Variants in BATF2 observed in about 807,000 individuals in gnomAD.
The protein encoded by BATF2 is basic leucine zipper transcriptional factor ATF-like 2.
In BATF2, 4 loss-of-function variants were observed where a neutral mutation model predicts 7.3. That is an observed-to-expected ratio of 0.55 (90% CI 0.27 to 1.26). The LOEUF is 1.26. BATF2 is among the 50% of genes most tolerant of loss of function. The pLI, the probability that BATF2 is intolerant of heterozygous loss-of-function variation, is 0.11. For synonymous variants in BATF2, 152 were observed against 153.9 expected (o/e 0.99, Z 0.09); for missense variants, 295 against 340.5 (o/e 0.87, Z 1.05).
In BATF2 at chr11:64,990,131, C is replaced by T. The variant is rs1291184413; in HGVS notation, c.142-319G>A. On this transcript the variant is annotated intron_variant, in intron 2 of 2. Coordinates refer to ENST00000301887, the MANE Select transcript of BATF2 (RefSeq NM_138456.4). ...CCCCCAAACCACCTATTCTCTTGCC[C>T]ACAGGAGCCATTCAGCAACCATGTC... 7.2e-6 allele frequency: 11 copies of T among 1,535,610 alleles called. No individual in the cohort carries two copies. In the Admixed American group the frequency reaches 1.6e-4, roughly 22 times the overall value.
chr11:64,994,645 G>A (rs1208525573), intron 1 of BATF2, 96 bp from the exon 2 acceptor site: 6 of 1,210,176 alleles, frequency 5.0e-6, no homozygotes, highest in Non-Finnish European at 7.1e-6. Flanking sequence ...TTCCCCTTGA[G>A]TCAAGTTCCC....
Position 64,988,694 on chromosome 11 carries a change from A to G in BATF2, c.*435T>C, listed in dbSNP as rs1216352337. On this transcript the variant is annotated 3_prime_UTR_variant, in exon 3 of 3. Coordinates refer to ENST00000301887, the MANE Select transcript of BATF2 (RefSeq NM_138456.4). The stretch of plus-strand genomic sequence containing the variant: ...GGCTCTGGCCCTGGAATCACGAAGC[A>G]GTGGGGAGAGCCCTTCTCTGCTCTG... 1.1e-5 allele frequency: 2 copies of G among 187,686 alleles called. No individual in the cohort carries two copies. The highest frequency in any genetic ancestry group is 3.0e-4 in the East Asian group (2 of 6,568). The allele number at this position is 187,686 out of a possible 1,614,324, so 11.6% of individuals were successfully genotyped here.
intron 2 of BATF2, among the ~76,000 whole-genome samples, chr11:64,992,349 G>A (rs1946083445): frequency 6.6e-6 from 1 of 152,038 alleles, no homozygotes; most frequent in Non-Finnish European, 1.5e-5. Flanking sequence ...TTATAGGCGT[G>A]AGCCACCGCG....
At chr11:64,994,339 A>G (rs1946095788) in intron 2 of BATF2, 109 bp downstream of exon 2, 4 of 1,086,020 alleles carry the variant, frequency 3.7e-6, no homozygotes, top group Non-Finnish European at 5.4e-6. Context: ...GGTGACCTAG[A>G]AAAATACAGG....
At chr11:64,995,847 G>C (rs1946105886) in intron 1 of BATF2, among the ~76,000 whole-genome samples, 1 of 152,242 alleles carries the variant, frequency 6.6e-6, no homozygotes, top group African/African-American at 2.4e-5. Flanking sequence ...GGGGCACCAA[G>C]AAACTAAAGG....
In BATF2 at chr11:64,989,933, C is replaced by T. The variant is rs1946061612; in HGVS notation, c.142-121G>A. ...AAAGATGCCACCACCATTGGAATAG[C>T]CAAGTGGGGTCTCTTGGCCACTCTC... On this transcript the variant is annotated intron_variant, in intron 2 of 2. Transcript: ENST00000301887. This position sits in a 1 kb window ranked among gnomAD's most constrained non-coding sequence, Gnocchi z 4.3. 1 of 1,436,554 alleles carries T rather than the reference C, an allele frequency of 7.0e-7. No homozygotes were observed. The highest frequency in any genetic ancestry group is 1.4e-5 in the African/African-American group (1 of 70,564). 89.0% of individuals were successfully genotyped at this position (1,436,554 alleles called of 1,614,324 possible). A position where few individuals can be genotyped will look rare whatever the true frequency, so the allele number is the denominator to read the frequency against.
At chr11:64,990,573 G>GC in intron 2 of BATF2, 1 of 1,055,956 alleles carries the variant, frequency 9.5e-7, no homozygotes, top group Non-Finnish European at 1.1e-6. Flanking sequence ...TCTGCTGAAC[G>GC]CCGGTTCTGA....
intron 2 of BATF2, among the ~76,000 whole-genome samples, chr11:64,992,164 C>T (rs1455758120): frequency 6.6e-6 from 1 of 152,120 alleles, no homozygotes; most frequent in Non-Finnish European, 1.5e-5. Flanking sequence ...CTGGGATTGG[C>T]TAATTAGCTA....
Position 64,989,432 on chromosome 11 carries a change from A to T in BATF2, c.522T>A (p.Pro174=). Residue 174 remains proline (P), a synonymous_variant, in exon 3 of 3, where the codon CCT becomes CCA. Transcript: ENST00000301887. The surrounding 1 kb of genome is among the most constrained non-coding windows in gnomAD (Gnocchi z 4.3). ...AACCAGTGTGCGAGGCAAACAGGAG[A>T]GGGCTGGGGGACAGCTGGACAGGAG... ...AEPPVQLSPS[P]LLFASHTGSS... 1 of 1,605,624 alleles carries T rather than the reference A, an allele frequency of 6.2e-7. No individual in the cohort carries two copies.
At chr11:64,991,437 G>A (rs540239805) in intron 2 of BATF2, among the ~76,000 whole-genome samples, 9 of 152,178 alleles carry the variant, frequency 5.9e-5, no homozygotes, top group Non-Finnish European at 8.8e-5. Flanking sequence ...TTGCAGGCGT[G>A]AGCCAATGTG....
intron 2 of BATF2, among the ~76,000 whole-genome samples, chr11:64,993,518 T>C (rs1946091225): frequency 6.6e-6 from 1 of 152,226 alleles, no homozygotes; most frequent in African/African-American, 2.4e-5. Flanking sequence ...GGCTGGCACC[T>C]TGATCTTGGA....
intron 2 of BATF2, chr11:64,990,311 T>A: frequency 1.4e-6 from 2 of 1,474,760 alleles, no homozygotes; most frequent in Non-Finnish European, 1.8e-6. Flanking sequence ...TGAACTCTGC[T>A]TCCCGGCCAC....
At position 64,988,974 on chromosome 11, in the gene BATF2, G is replaced by T; in HGVS notation, c.*155C>A. The T allele has an allele frequency of 1.4e-6, 1 of 719,334 alleles. No individual in the cohort carries two copies. The highest frequency in any genetic ancestry group is 2.4e-6 in the Non-Finnish European group (1 of 417,848). 44.6% of individuals were successfully genotyped at this position (719,334 alleles called of 1,614,324 possible). A position where few individuals can be genotyped will look rare whatever the true frequency, so the allele number is the denominator to read the frequency against. On this transcript the variant is annotated 3_prime_UTR_variant, in exon 3 of 3. Coordinates refer to ENST00000301887, the MANE Select transcript of BATF2 (RefSeq NM_138456.4). ...GGTGGTGACAGGGCCTGTCACAGTG[G>T]GAGGCATCAGTGGTGGCTTCCTTTT...
chr11:64,996,949 G>C lies in BATF2; in HGVS notation c.-35C>G, dbSNP rs1946114835. The C allele has an allele frequency of 4.5e-6, 7 of 1,556,884 alleles. No individual in the cohort carries two copies. The highest frequency in any genetic ancestry group is 1.7e-4 in the Middle Eastern group (1 of 5,800). On this transcript the variant is annotated 5_prime_UTR_variant, in exon 1 of 3. Transcript: ENST00000301887. ...GGGGGAGCAGAGTGGTCCCTCAGCA[G>C]CTGTGACTTCCCAGTGCCCTCTGGA...
chr11:64,995,939 T>A (rs1042023765), intron 1 of BATF2, among the ~76,000 whole-genome samples: 1 of 152,138 alleles, frequency 6.6e-6, no homozygotes, highest in Non-Finnish European at 1.5e-5. Flanking sequence ...CCAGGGAATT[T>A]ATTTATTATT....
chr11:64,995,051 G>A (rs1385172065), intron 1 of BATF2, among the ~76,000 whole-genome samples: 1 of 152,086 alleles, frequency 6.6e-6, no homozygotes, highest in Non-Finnish European at 1.5e-5. Flanking sequence ...GTTTCCTCAT[G>A]TTGGCCAGGC....
At chr11:64,994,602 C>A in intron 1 of BATF2, 53 bp from the exon 2 acceptor site, 1 of 1,486,618 alleles carries the variant, frequency 6.7e-7, no homozygotes, top group Non-Finnish European at 9.2e-7. Flanking sequence ...CTTGTGCCCT[C>A]CGTCCTGGCC....
At chr11:64,992,268 G>A (rs748327957) in intron 2 of BATF2, among the ~76,000 whole-genome samples, 16 of 151,950 alleles carry the variant, frequency 1.1e-4, no homozygotes, top group Non-Finnish European at 1.5e-4. Context: ...GTTTTACCAC[G>A]TTGGCCAGGC....
intron 1 of BATF2, among the ~76,000 whole-genome samples, chr11:64,995,605 T>A (rs959770832): frequency 1.3e-5 from 2 of 152,144 alleles, no homozygotes; most frequent in African/African-American, 4.8e-5. Context: ...CAATGAAACT[T>A]AGATAAAATA....
Sources: gnomAD v4.1 joint callset for allele counts (sites outside exome capture counted in the v4.1 genomes callset) on GRCh38, gnomAD v4.1.1 for gene constraint, Gnocchi (gnomAD v3.1) non-coding constraint, MANE v1.5 for transcripts, NCBI Gene and HGNC (gene_info 2026-07-23, HGNC 2026-07-21) for gene names.